MAN2B2: variants seen among roughly 807,000 people sequenced by gnomAD.
The protein encoded by MAN2B2 is mannosidase alpha class 2B member 2, also known as epididymis-specific alpha-mannosidase.
In MAN2B2, 106 loss-of-function variants were observed where a neutral mutation model predicts 117.1. That is an observed-to-expected ratio of 0.90 (90% CI 0.77 to 1.06). The LOEUF (loss-of-function observed/expected upper bound fraction) is 1.06, where lower values mean the gene tolerates loss of function less well. MAN2B2 is among the 50% of genes least tolerant of loss of function. The pLI, the probability that MAN2B2 is intolerant of heterozygous loss-of-function variation, is 0.00. For missense variants in MAN2B2, 1,326 were observed against 1,381.4 expected (o/e 0.96, Z 0.64); for synonymous variants, 544 against 595.1 (o/e 0.91, Z 1.25).
chr4:6,589,535 C>T (rs994478873), intron 5 of MAN2B2, among the ~76,000 whole-genome samples: 2 of 152,184 alleles, frequency 1.3e-5, no homozygotes, highest in East Asian at 1.9e-4. Flanking sequence ...GCCGCCGCGC[C>T]CAGCCCTATT....
intron 3 of MAN2B2, among the ~76,000 whole-genome samples, chr4:6,586,631 G>A (rs1309980321): frequency 6.6e-6 from 1 of 152,100 alleles, no homozygotes; most frequent in East Asian, 1.9e-4. Flanking sequence ...TAGAATGGGG[G>A]TGCTAGGGGC....
At position 6,614,237 on chromosome 4, in the gene MAN2B2, A is replaced by G; in HGVS notation, c.2583A>G (p.Pro861=). The change falls in exon 16 of 19, where the codon CCA becomes CCG. Residue 861 remains proline (P), a synonymous_variant. Transcript: ENST00000285599. Reference sequence around the variant, plus strand: ...TTGCAGGGACTGCGCCGAAGCTCCCAGGACCCCAGCAGCAAGAGGCCGTGA... The same window carrying G: ...TTGCAGGGACTGCGCCGAAGCTCCCGGGACCCCAGCAGCAAGAGGCCGTGA... The part of the protein sequence containing the change: ...GDLAGTAPKL[P]GPQQQEAVTL... The G allele has an allele frequency of 6.2e-7, 1 of 1,614,140 alleles. No individual in the cohort carries two copies. Among genetic ancestry groups the G allele is most frequent in the Non-Finnish European group, 8.5e-7 (1 of 1,179,998 alleles).
intron 11 of MAN2B2, among the ~76,000 whole-genome samples, chr4:6,606,995 G>A (rs571373772): frequency 9.2e-5 from 14 of 152,264 alleles, no homozygotes; most frequent in African/African-American, 3.1e-4. Context: ...GTGGTTTCTG[G>A]TGCATTCACA....
intron 2 of MAN2B2, among the ~76,000 whole-genome samples, chr4:6,577,590 G>C (rs1726114980): frequency 6.6e-6 from 1 of 152,192 alleles, no homozygotes; most frequent in African/African-American, 2.4e-5. Context: ...GTTCAGAGAG[G>C]GCACGCCACT....
chr4:6,598,554 C>T (rs1235955993), intron 9 of MAN2B2, among the ~76,000 whole-genome samples, 200 bp downstream of exon 9: 1 of 152,194 alleles, frequency 6.6e-6, no homozygotes, highest in Non-Finnish European at 1.5e-5. Context: ...GGAAGGGTTG[C>T]TGATGTTACA....
chr4:6,579,355 C>T lies in MAN2B2; in HGVS notation c.391+857C>T, dbSNP rs900727582. Among the ~76,000 whole-genome samples the T allele has an allele frequency of 7.4e-4, 83 of 112,642 alleles. 2 individuals are homozygous for T. Among genetic ancestry groups the T allele is most frequent in the African/African-American group, 1.1e-3 (31 of 28,664 alleles). The allele number at this position is 112,642 out of a possible 152,430, so 73.9% of individuals were successfully genotyped here. On this transcript the variant is annotated intron_variant, in intron 3 of 18. Transcript: ENST00000285599. Reference sequence around the variant, plus strand: ...ACCACCACCACCATCACCATCACCACCACCATCACCATCACCACCACCACC... The same window carrying T: ...ACCACCACCACCATCACCATCACCATCACCATCACCATCACCACCACCACC...
At position 6,589,035 on chromosome 4, in the gene MAN2B2, C is replaced by A; in HGVS notation, c.565-10C>A. ...GCCCCTCCAGCCTCATTCTTCTCCT[C>A]GGTTTGCAGGGGCTGCAGTTCGTGT... On this transcript the variant is annotated splice_polypyrimidine_tract_variant and intron_variant, in intron 4 of 18. Transcript: ENST00000285599. 2 of 1,608,896 alleles carry A rather than the reference C, an allele frequency of 1.2e-6. No individual in the cohort carries two copies. The highest frequency in any genetic ancestry group is 1.1e-5 in the South Asian group (1 of 90,928).
At chr4:6,615,260 T>C (rs1336452213) in intron 16 of MAN2B2, among the ~76,000 whole-genome samples, 2 of 151,692 alleles carry the variant, frequency 1.3e-5, no homozygotes, top group Non-Finnish European at 2.9e-5. Context: ...AGTTCTCTGG[T>C]CATGGTGGCG....
In MAN2B2 at chr4:6,589,134, C is replaced by T. The variant is rs1246696347; in HGVS notation, c.654C>T (p.Thr218=). ...THIMDQYSYC[T]PSHIPFSNRS... The stretch of plus-strand genomic sequence containing the variant: ...TCATGGACCAGTACAGCTACTGCAC[C>T]CCGTCCCACATCCCTTTCTCCAACA... The change falls in exon 5 of 19, where the codon ACC becomes ACT. Residue 218 remains threonine, a synonymous_variant. Transcript: ENST00000285599. 6 of 1,614,146 alleles carry T rather than the reference C, an allele frequency of 3.7e-6. No homozygotes were observed. Among genetic ancestry groups the T allele is most frequent in the Middle Eastern group, 3.3e-4 (2 of 6,062 alleles).
At position 6,597,142 on chromosome 4, in the gene MAN2B2, A is replaced by T; in HGVS notation, c.1087A>T (p.Thr363Ser). The T allele has an allele frequency of 1.2e-6, 2 of 1,613,176 alleles. No homozygotes were observed. Among genetic ancestry groups the T allele is most frequent in the Non-Finnish European group, 1.7e-6 (2 of 1,179,812 alleles). The part of the protein sequence containing the change: ...EPFQAWTGFY[T>S]SRSSLKGLAR... ...ATTCCAGGCCTGGACGGGCTTCTAC[A>T]CGTCCCGCAGCTCACTGAAGGGGCT... The change falls in exon 8 of 19, where the codon ACG becomes TCG. Residue 363 changes from threonine (T) to serine (S), a missense_variant. Thr to Ser is a moderately conservative substitution (Grantham distance 58). Transcript: ENST00000285599.
rs1712212295 is a variant in MAN2B2 at position 6,622,346 on chromosome 4, G to A, written c.*1061G>A. ...AAGATGATGAAATTGTGGAATGATG[G>A]TTGCACAACTTTGTGAATATACTAG... On this transcript the variant is annotated 3_prime_UTR_variant, in exon 19 of 19. Coordinates refer to ENST00000285599, the MANE Select transcript of MAN2B2 (RefSeq NM_015274.3). 1 of 152,184 alleles carries A rather than the reference G, an allele frequency of 6.6e-6. No individual in the cohort carries two copies. Among genetic ancestry groups the A allele is most frequent in the Non-Finnish European group, 1.5e-5 (1 of 68,032 alleles). The allele number at this position is 152,184 out of a possible 1,614,324, so 9.4% of individuals were successfully genotyped here. A position where few individuals can be genotyped will look rare whatever the true frequency, so the allele number is the denominator to read the frequency against.
rs753209133 is a variant in MAN2B2 at position 6,576,736 on chromosome 4, A to AC, written c.285+14dup. ...AGCAGAAATACCAGGTAATGAGGTC[A>AC]CCAGGTGACACAGTTGGCCCAGTAT... On this transcript the variant is annotated intron_variant, in intron 2 of 18. Transcript: ENST00000285599. The AC allele has an allele frequency of 6.2e-7, 1 of 1,612,926 alleles. No individual in the cohort carries two copies.
In MAN2B2 at chr4:6,597,295, G is replaced by C; in HGVS notation, c.1240G>C (p.Val414Leu). ...LQQLQQLRWA[V>L]SEVQHHDAIT... Reference sequence around the variant, plus strand: ...GCAGCTCCAGCAGCTTCGCTGGGCCGTCTCCGAGGTAACACCACATTTAGC... The same window carrying C: ...GCAGCTCCAGCAGCTTCGCTGGGCCCTCTCCGAGGTAACACCACATTTAGC... Residue 414 changes from valine (V) to leucine (L), a missense_variant, in exon 8 of 19, where the codon GTC becomes CTC. Coordinates refer to ENST00000285599, the MANE Select transcript of MAN2B2 (RefSeq NM_015274.3). The C allele has an allele frequency of 6.5e-7, 1 of 1,542,406 alleles. No homozygotes were observed. Among genetic ancestry groups the C allele is most frequent in the Admixed American group, 2.0e-5 (1 of 50,234 alleles).
chr4:6,588,964 G>A (rs1726751957), intron 4 of MAN2B2, 81 bp from the exon 5 acceptor site: 2 of 1,010,228 alleles, frequency 2.0e-6, no homozygotes, highest in Non-Finnish European at 3.1e-6. Flanking sequence ...GCAGGCGGGA[G>A]ACACCCAGAT....
chr4:6,617,066 CA>C (rs1390974956), intron 16 of MAN2B2, among the ~76,000 whole-genome samples: 3 of 152,182 alleles, frequency 2.0e-5, no homozygotes, highest in Admixed American at 2.0e-4. Flanking sequence ...TGGTGGCAGG[CA>C]AGAGAGCGTG....
intron 11 of MAN2B2, among the ~76,000 whole-genome samples, chr4:6,607,473 G>A (rs1727597980): frequency 6.6e-6 from 1 of 152,158 alleles, no homozygotes; most frequent in African/African-American, 2.4e-5. Flanking sequence ...CCAAAGTGCT[G>A]GGATTACAGG....
In MAN2B2 at chr4:6,622,275, GAA is replaced by G. The variant is rs1560105872; in HGVS notation, c.*991_*992del. On this transcript the variant is annotated 3_prime_UTR_variant, in exon 19 of 19. Coordinates refer to ENST00000285599, the MANE Select transcript of MAN2B2 (RefSeq NM_015274.3). ...CATTGGTGGTTGCCAGGTACTGGAG[GAA>G]GAGAGAAGAGGCATGACAGCTAACA... 1 of 152,212 alleles carries G rather than the reference GAA, an allele frequency of 6.6e-6. No individual in the cohort carries two copies. Among genetic ancestry groups the G allele is most frequent in the African/African-American group, 2.4e-5 (1 of 41,444 alleles). 9.4% of individuals were successfully genotyped at this position (152,212 alleles called of 1,614,324 possible).
At position 6,622,101 on chromosome 4, in the gene MAN2B2, A is replaced by G. The variant is rs1194461080; in HGVS notation, c.*816A>G. 1 of 152,274 alleles carries G rather than the reference A, an allele frequency of 6.6e-6. No homozygotes were observed. Among genetic ancestry groups the G allele is most frequent in the African/African-American group, 2.4e-5 (1 of 41,466 alleles). The allele number at this position is 152,274 out of a possible 1,614,324, so 9.4% of individuals were successfully genotyped here. On this transcript the variant is annotated 3_prime_UTR_variant, in exon 19 of 19. Transcript: ENST00000285599. ...GAAGTGTGTTCTGTCCATACAATGG[A>G]ATATTATTTGGCCATAAAAAGGAAG...
intron 4 of MAN2B2, among the ~76,000 whole-genome samples, chr4:6,587,953 T>G (rs1008755902): frequency 6.6e-6 from 1 of 151,968 alleles, no homozygotes; most frequent in Non-Finnish European, 1.5e-5. Flanking sequence ...GAGACGGGGT[T>G]TCACCATGTT....
Sources: allele counts gnomAD v4.1 joint callset (sites outside exome capture counted in the v4.1 genomes callset), GRCh38; gene constraint gnomAD v4.1.1; transcripts MANE v1.5; gene names NCBI Gene and HGNC (gene_info 2026-07-23, HGNC 2026-07-21).